The following CNTN5 variants were observed in gnomAD, a reference collection of about 807,000 sequenced individuals.
The protein encoded by CNTN5 is contactin-5.
CNTN5 carries 77 observed loss-of-function variants against 129.1 expected under a neutral mutation model. The observed-to-expected ratio is 0.60, with a 90% confidence interval of 0.50 to 0.72. The LOEUF (loss-of-function observed/expected upper bound fraction) is 0.72, where lower values mean the gene tolerates loss of function less well. Ranked by LOEUF, CNTN5 falls within the 30% of genes least tolerant of loss-of-function variation. The pLI is 0.00. For synonymous variants in CNTN5, 509 were observed against 465.6 expected, an observed-to-expected ratio of 1.09 and a Z score of -1.20; for missense variants, 1,478 against 1,328.8, an observed-to-expected ratio of 1.11 and a Z score of -1.75.
At chr11:99,824,884 A>G (rs928570963) in intron 4 of CNTN5, among the ~76,000 whole-genome samples, 23 of 151,998 alleles carry the variant, frequency 1.5e-4, no homozygotes, top group African/African-American at 5.1e-4. Context: ...CTTCAGTAAC[A>G]TGGTTTAATT....
chr11:99,443,302 C>T (rs1037621979), intron 2 of CNTN5, among the ~76,000 whole-genome samples: 2 of 152,134 alleles, frequency 1.3e-5, no homozygotes, highest in Non-Finnish European at 2.9e-5. Flanking sequence ...TAGCTCCTGC[C>T]CTTTTTCCTT....
At chr11:99,924,562 T>G (rs2136048362) in intron 7 of CNTN5, among the ~76,000 whole-genome samples, 1 of 152,242 alleles carries the variant, frequency 6.6e-6, no homozygotes, top group African/African-American at 2.4e-5. Flanking sequence ...GTATGCAGCT[T>G]TAATTCAGGG....
chr11:99,153,181 A>T (rs1860156957), intron 1 of CNTN5, among the ~76,000 whole-genome samples: 1 of 152,180 alleles, frequency 6.6e-6, no homozygotes, highest in Admixed American at 6.5e-5. Context: ...GAGTTTGAAT[A>T]TTGGCCTCTC....
intron 3 of CNTN5, among the ~76,000 whole-genome samples, chr11:99,784,071 C>G (rs985031067): frequency 2.0e-5 from 3 of 152,008 alleles, no homozygotes; most frequent in African/African-American, 4.8e-5. Context: ...TGTATGTACA[C>G]ATAGTATTTT....
At chr11:99,977,812 T>C (rs181245336) in intron 8 of CNTN5, among the ~76,000 whole-genome samples, 26 of 152,302 alleles carry the variant, frequency 1.7e-4, no homozygotes, top group Admixed American at 1.2e-3. Context: ...TCACACATTG[T>C]CAAAGATCTC....
chr11:99,484,207 T>G (rs1238279771), intron 2 of CNTN5, among the ~76,000 whole-genome samples: 2 of 151,198 alleles, frequency 1.3e-5, no homozygotes, highest in Non-Finnish European at 3.0e-5. Context: ...ACAATACAAT[T>G]TAAAAAGTAT....
intron 1 of CNTN5, among the ~76,000 whole-genome samples, chr11:99,221,095 G>C (rs1860376022): frequency 6.6e-6 from 1 of 151,878 alleles, no homozygotes; most frequent in Admixed American, 6.6e-5. Flanking sequence ...AAGATCCAGA[G>C]GGTTAAACAC....
At chr11:99,544,304 A>C (rs1326954528) in intron 2 of CNTN5, among the ~76,000 whole-genome samples, 1 of 152,202 alleles carries the variant, frequency 6.6e-6, no homozygotes, top group East Asian at 1.9e-4. Context: ...CAACACTGCG[A>C]ATTACAACTC....
intron 2 of CNTN5, among the ~76,000 whole-genome samples, chr11:99,514,236 G>A (rs942214634): frequency 1.3e-5 from 2 of 152,082 alleles, no homozygotes; most frequent in African/African-American, 4.8e-5. Context: ...TTGAATTGAT[G>A]AGAAGTTGCT....
chr11:99,478,153 A>G (rs1418039079), intron 2 of CNTN5, among the ~76,000 whole-genome samples: 2 of 152,142 alleles, frequency 1.3e-5, no homozygotes, highest in Non-Finnish European at 2.9e-5. Context: ...TTATGTGGGT[A>G]GAGTCTGGGC....
chr11:99,510,706 T>C (rs79331177), intron 2 of CNTN5, among the ~76,000 whole-genome samples: 10,013 of 152,234 alleles, frequency 0.066, 365 homozygotes, highest in African/African-American at 0.097. Flanking sequence ...TCAACGTTTA[T>C]GGTGATGCTG....
intron 3 of CNTN5, among the ~76,000 whole-genome samples, chr11:99,636,390 TTTTG>T (rs1431769411): frequency 2.6e-5 from 4 of 151,776 alleles, no homozygotes; most frequent in African/African-American, 7.3e-5. Flanking sequence ...TTTTCTTTTT[TTTTG>T]TTGTTGTTGT....
chr11:99,301,018 A>T (rs556489008), intron 1 of CNTN5, among the ~76,000 whole-genome samples: 4 of 151,970 alleles, frequency 2.6e-5, no homozygotes, highest in African/African-American at 4.8e-5. Context: ...ATTATTTGGT[A>T]TACTATTGAT....
At chr11:99,360,169 A>G (rs987245794) in intron 2 of CNTN5, among the ~76,000 whole-genome samples, 5 of 152,204 alleles carry the variant, frequency 3.3e-5, no homozygotes, top group African/African-American at 1.2e-4. Flanking sequence ...ACAGTGGGGC[A>G]AGAGTTGGAC....
chr11:99,037,020 A>G (rs1183439039), intron 1 of CNTN5, among the ~76,000 whole-genome samples: 1 of 152,198 alleles, frequency 6.6e-6, no homozygotes, highest in East Asian at 1.9e-4. Flanking sequence ...AAACATAGAG[A>G]TGTTTGTACA....
rs539078947 is a variant in CNTN5, at chr11:99,551,744, A to G, written c.-70-4401A>G. Reference sequence around the variant, plus strand: ...AGGATGTTACTGTACTGAATAATGTAGGCAATTATAACACAATAAGTATTT... The same window carrying G: ...AGGATGTTACTGTACTGAATAATGTGGGCAATTATAACACAATAAGTATTT... On this transcript the variant is annotated intron_variant, in intron 2 of 24. Transcript: ENST00000524871. Among the ~76,000 whole-genome samples, 3 of 152,288 alleles carry G rather than the reference A, an allele frequency of 2.0e-5. No individual in the cohort carries two copies. In the South Asian group the frequency reaches 6.2e-4, roughly 32 times the overall value.
At chr11:99,107,219 T>C (rs931833505) in intron 1 of CNTN5, among the ~76,000 whole-genome samples, 2 of 152,292 alleles carry the variant, frequency 1.3e-5, no homozygotes, top group African/African-American at 2.4e-5. Context: ...TACAACCTTG[T>C]TTAACAGAAC....
intron 9 of CNTN5, among the ~76,000 whole-genome samples, chr11:100,042,388 C>A (rs1032251676): frequency 7.9e-5 from 12 of 151,488 alleles, no homozygotes; most frequent in African/African-American, 2.4e-4. Flanking sequence ...TTTTTTTGTG[C>A]AAGTCACAAA....
chr11:99,150,959 A>G (rs957134939), intron 1 of CNTN5, among the ~76,000 whole-genome samples: 10 of 151,900 alleles, frequency 6.6e-5, no homozygotes, highest in African/African-American at 2.4e-4. Flanking sequence ...GAAGTATGAA[A>G]CAAAGTAAGT....
Sources: gnomAD v4.1 joint callset for allele counts (sites outside exome capture counted in the v4.1 genomes callset) on GRCh38, gnomAD v4.1.1 for gene constraint, MANE v1.5 for transcripts, NCBI Gene and HGNC (gene_info 2026-07-23, HGNC 2026-07-21) for gene names.